MTREX: variants seen among roughly 807,000 people sequenced by gnomAD.
MTREX encodes the protein Mtr4 exosome RNA helicase, also known as exosome RNA helicase MTR4.
Under a neutral mutation model 135.4 loss-of-function variants are expected in MTREX, and 76 were observed. That is an observed-to-expected ratio of 0.56 (90% CI 0.47 to 0.68). The LOEUF is 0.68. Ranked by LOEUF, MTREX falls within the 30% of genes least tolerant of loss-of-function variation. MTREX has a pLI of 0.00. For synonymous variants in MTREX, 404 were observed against 401.6 expected (o/e 1.01, Z -0.07); for missense variants, 920 against 1,262.1 (o/e 0.73, Z 4.11).
At chr5:55,321,977 AGT>A in intron 1 of MTREX, among the ~76,000 whole-genome samples, 1 of 152,322 alleles carries the variant, frequency 6.6e-6, no homozygotes, top group South Asian at 2.1e-4. Flanking sequence ...TCCAAATAGT[AGT>A]ATCATGCCTT....
chr5:55,391,016 T>C (rs2111571916), intron 19 of MTREX, among the ~76,000 whole-genome samples: 1 of 152,364 alleles, frequency 6.6e-6, no homozygotes, highest in South Asian at 2.1e-4. Flanking sequence ...TTTTTCTCTG[T>C]GTATAGGTCA....
chr5:55,388,658 A>G (rs1271036141), intron 19 of MTREX, among the ~76,000 whole-genome samples: 1 of 152,208 alleles, frequency 6.6e-6, no homozygotes, highest in Non-Finnish European at 1.5e-5. Context: ...TATGTTTGGT[A>G]CATTAGGTGT....
At chr5:55,395,049 G>A (rs1750626605) in intron 19 of MTREX, among the ~76,000 whole-genome samples, 1 of 148,552 alleles carries the variant, frequency 6.7e-6, no homozygotes, top group Non-Finnish European at 1.5e-5. Flanking sequence ...AAAAAAGATA[G>A]TAAAGGATTT....
chr5:55,339,875 T>C (rs1344381359), intron 5 of MTREX, 135 bp from the exon 6 acceptor site: 2 of 463,490 alleles, frequency 4.3e-6, no homozygotes, highest in Non-Finnish European at 7.4e-6. Context: ...ATAATAGATA[T>C]GGTGTTACTG....
chr5:55,314,299 A>G (rs910453771), intron 1 of MTREX, among the ~76,000 whole-genome samples: 1 of 152,192 alleles, frequency 6.6e-6, no homozygotes, highest in Admixed American at 6.5e-5. Flanking sequence ...TCATGTCCCA[A>G]TCCCTAGAAC....
chr5:55,362,083 A>AT (rs35074192), intron 15 of MTREX, among the ~76,000 whole-genome samples: 1,252 of 111,126 alleles, frequency 0.011, 13 homozygotes, highest in African/African-American at 0.021. Context: ...CGTCTGGCTA[A>AT]TTTTTTTTTT....
chr5:55,383,388 A>G (rs1254324670), intron 18 of MTREX, among the ~76,000 whole-genome samples: 4 of 152,108 alleles, frequency 2.6e-5, no homozygotes, highest in Non-Finnish European at 4.4e-5. Flanking sequence ...TTTTTAGTCT[A>G]TCTGAAAATG....
At chr5:55,403,142 A>T (rs1750750468) in intron 21 of MTREX, among the ~76,000 whole-genome samples, 1 of 151,962 alleles carries the variant, frequency 6.6e-6, no homozygotes. Context: ...TTGAGGCTAC[A>T]GTGAGCCATG....
intron 14 of MTREX, among the ~76,000 whole-genome samples, chr5:55,355,461 A>G (rs969444252): frequency 6.6e-6 from 1 of 152,090 alleles, no homozygotes; most frequent in Non-Finnish European, 1.5e-5. Context: ...CACCTGGGGG[A>G]TGGAATGGAC....
chr5:55,424,849 G>A lies in MTREX; in HGVS notation c.*77G>A. ...CAGTTGACTACAAATGCCTGCAAGT[G>A]TGGATTTGGTTCTCCCATACATTTT... On this transcript the variant is annotated 3_prime_UTR_variant, in exon 27 of 27. Transcript: ENST00000230640. 1 of 1,025,726 alleles carries A rather than the reference G, an allele frequency of 9.7e-7. No individual in the cohort carries two copies. Among genetic ancestry groups the A allele is most frequent in the South Asian group, 1.3e-5 (1 of 75,266 alleles). 63.5% of individuals were successfully genotyped at this position (1,025,726 alleles called of 1,614,324 possible). A position where few individuals can be genotyped will look rare whatever the true frequency, so the allele number is the denominator to read the frequency against.
intron 11 of MTREX, among the ~76,000 whole-genome samples, chr5:55,348,611 C>A (rs1260247099): frequency 2.0e-5 from 3 of 152,174 alleles, no homozygotes; most frequent in Non-Finnish European, 2.9e-5. Context: ...CATTTTAAAG[C>A]TAATTCCTAC....
chr5:55,375,320 C>A (rs62360527), intron 16 of MTREX, among the ~76,000 whole-genome samples: 17 of 152,058 alleles, frequency 1.1e-4, no homozygotes, highest in African/African-American at 3.6e-4. Flanking sequence ...TATTTCACCC[C>A]GGCAGTCTCG....
intron 1 of MTREX, among the ~76,000 whole-genome samples, chr5:55,321,807 C>T (rs1023541239): frequency 2.6e-5 from 4 of 151,930 alleles, no homozygotes; most frequent in Admixed American, 6.6e-5. Context: ...TGGGATTTTG[C>T]CATGCTGTCC....
At chr5:55,409,429 A>G (rs1444765602) in intron 22 of MTREX, among the ~76,000 whole-genome samples, 1 of 152,190 alleles carries the variant, frequency 6.6e-6, no homozygotes, top group African/African-American at 2.4e-5. Flanking sequence ...ATGGTCCACA[A>G]GTGGTCAAAT....
At chr5:55,311,912 T>C (rs1749119231) in intron 1 of MTREX, among the ~76,000 whole-genome samples, 1 of 152,252 alleles carries the variant, frequency 6.6e-6, no homozygotes, top group Admixed American at 6.5e-5. Flanking sequence ...TTGTAGCTTG[T>C]ATATGTATGT....
intron 16 of MTREX, among the ~76,000 whole-genome samples, chr5:55,376,812 G>C (rs1750309797): frequency 1.3e-5 from 2 of 152,188 alleles, no homozygotes; most frequent in Non-Finnish European, 2.9e-5. Flanking sequence ...GCTCACGCCT[G>C]TAATTCTAGC....
intron 3 of MTREX, among the ~76,000 whole-genome samples, chr5:55,325,550 A>T (rs1378259681): frequency 2.7e-5 from 4 of 149,516 alleles, no homozygotes; most frequent in Admixed American, 6.7e-5. Flanking sequence ...GGGTTTCACC[A>T]TGTTGGTCAG....
At chr5:55,343,198 C>A in intron 7 of MTREX, 133 bp from the exon 8 acceptor site, 2 of 769,634 alleles carry the variant, frequency 2.6e-6, no homozygotes, top group Non-Finnish European at 2.0e-6. Context: ...CAGTAAGGTT[C>A]TGTGGCTTAA....
intron 2 of MTREX, among the ~76,000 whole-genome samples, chr5:55,323,049 A>G (rs1749314210): frequency 6.6e-6 from 1 of 152,156 alleles, no homozygotes; most frequent in Non-Finnish European, 1.5e-5. Context: ...TCCATATTTG[A>G]ACTTGGCACT....
Sources: allele counts gnomAD v4.1 joint callset (sites outside exome capture counted in the v4.1 genomes callset), GRCh38; gene constraint gnomAD v4.1.1; transcripts MANE v1.5; gene names NCBI Gene and HGNC (gene_info 2026-07-23, HGNC 2026-07-21).